TMEM154: variants seen among roughly 807,000 people sequenced by gnomAD.
The protein encoded by TMEM154 is transmembrane protein 154.
Under a neutral mutation model 24.5 loss-of-function variants are expected in TMEM154, and 27 were observed. The observed-to-expected ratio is 1.10, with a 90% confidence interval of 0.81 to 1.52. The LOEUF (loss-of-function observed/expected upper bound fraction) is 1.52. Among genes scored for constraint, TMEM154 ranks in the 40% most tolerant of loss-of-function variants. TMEM154 has a pLI of 0.00. For missense variants in TMEM154, 228 were observed against 213.4 expected, an observed-to-expected ratio of 1.07 and a Z score of -0.43; for synonymous variants, 67 against 76.8, an observed-to-expected ratio of 0.87 and a Z score of 0.67.
At chr4:152,634,268 C>T (rs949651880) in intron 6 of TMEM154, among the ~76,000 whole-genome samples, 13 of 152,110 alleles carry the variant, frequency 8.5e-5, no homozygotes, top group Non-Finnish European at 7.4e-5. Context: ...CATCTTTGTT[C>T]TCCTGACCAG....
chr4:152,640,856 T>C lies in TMEM154; in HGVS notation c.536+72A>G, dbSNP rs141290548. 2,737 of 1,338,320 alleles carry C rather than the reference T, an allele frequency of 2.0e-3. 5 individuals carry two copies. Among genetic ancestry groups the C allele is most frequent in the Non-Finnish European group, 2.4e-3 (2,250 of 947,780 alleles). The allele number at this position is 1,338,320 out of a possible 1,614,324, so 82.9% of individuals were successfully genotyped here. A position where few individuals can be genotyped will look rare whatever the true frequency, so the allele number is the denominator to read the frequency against. ...AGGCACGGAGGAGGTAAGCAAAAAGTGTTCCACCCTGGTTCCCAATCCCCC... is the reference window on the plus strand; with the variant it reads ...AGGCACGGAGGAGGTAAGCAAAAAGCGTTCCACCCTGGTTCCCAATCCCCC... On this transcript the variant is annotated intron_variant, in intron 6 of 6. Coordinates refer to ENST00000304385, the MANE Select transcript of TMEM154 (RefSeq NM_152680.3).
chr4:152,665,670 C>A (rs557515489), intron 1 of TMEM154, among the ~76,000 whole-genome samples: 4 of 152,038 alleles, frequency 2.6e-5, no homozygotes, highest in Admixed American at 2.0e-4. Context: ...TTTAAGACAG[C>A]GGTCCTCAAA....
At chr4:152,656,317 C>G (rs910796522) in intron 1 of TMEM154, among the ~76,000 whole-genome samples, 3 of 152,120 alleles carry the variant, frequency 2.0e-5, no homozygotes, top group African/African-American at 7.2e-5. Flanking sequence ...ACACTAACAC[C>G]AGTGCCAGTG....
At chr4:152,652,638 C>G in intron 2 of TMEM154, 29 bp downstream of exon 2, 1 of 1,613,416 alleles carries the variant, frequency 6.2e-7, no homozygotes, top group Non-Finnish European at 8.5e-7. Context: ...AAGCAATTTT[C>G]TGGAAATGGA....
At chr4:152,632,043 G>A (rs983817135) in intron 6 of TMEM154, among the ~76,000 whole-genome samples, 3 of 151,830 alleles carry the variant, frequency 2.0e-5, no homozygotes, top group South Asian at 2.1e-4. Context: ...TCCTGACCTC[G>A]TGATCCGCCC....
chr4:152,633,869 A>G (rs983796773), intron 6 of TMEM154, among the ~76,000 whole-genome samples: 9 of 151,970 alleles, frequency 5.9e-5, no homozygotes, highest in African/African-American at 1.9e-4. Context: ...AGCTATTAAA[A>G]GTAATGGCAA....
chr4:152,631,180 C>T (rs901291229), intron 6 of TMEM154, among the ~76,000 whole-genome samples: 8 of 152,124 alleles, frequency 5.3e-5, no homozygotes, highest in African/African-American at 9.7e-5. Context: ...TCCCCCTTTC[C>T]TAGAAATTTT....
Position 152,628,291 on chromosome 4 carries a change from G to A in TMEM154, c.*255C>T, listed in dbSNP as rs548232341. On this transcript the variant is annotated 3_prime_UTR_variant, in exon 7 of 7. Transcript: ENST00000304385. ...TTGATCAGAAGTGAGCACATCACCC[G>A]CCTCCTTCTCCACCCTCAGAGGCAG... is the stretch of plus-strand genomic sequence containing the variant. 2.7e-5 allele frequency: 16 copies of A among 601,396 alleles called. No individual in the cohort carries two copies. Among genetic ancestry groups the A allele is most frequent in the African/African-American group, 1.7e-4 (9 of 52,782 alleles). The allele number at this position is 601,396 out of a possible 1,614,324, so 37.3% of individuals were successfully genotyped here. A position where few individuals can be genotyped will look rare whatever the true frequency, so the allele number is the denominator to read the frequency against.
rs1022859472 is a variant in TMEM154, at chr4:152,624,895, C to A, written c.*3651G>T. ...ATTAAATGGAAACCCCAGAATTCAT[C>A]CTGAATGTCTCTGAATGTGAAAAGT... is the stretch of plus-strand genomic sequence containing the variant. On this transcript the variant is annotated 3_prime_UTR_variant, in exon 7 of 7. Coordinates refer to ENST00000304385, the MANE Select transcript of TMEM154 (RefSeq NM_152680.3). The A allele has an allele frequency of 1.3e-5, 2 of 152,198 alleles. No homozygotes were observed. Among genetic ancestry groups the A allele is most frequent in the Admixed American group, 1.3e-4 (2 of 15,280 alleles). 9.4% of individuals were successfully genotyped at this position (152,198 alleles called of 1,614,324 possible). A position where few individuals can be genotyped will look rare whatever the true frequency, so the allele number is the denominator to read the frequency against.
rs1751809525 is a variant in TMEM154 at position 152,619,255 on chromosome 4, T to C, written c.*9291A>G. ...AGTTCTACCACCTACTACAGACTAC[T>C]GGACCAGGGGTCTATGTCCAAGCCA... is the stretch of plus-strand genomic sequence containing the variant. On this transcript the variant is annotated 3_prime_UTR_variant, in exon 7 of 7. Coordinates refer to ENST00000304385, the MANE Select transcript of TMEM154 (RefSeq NM_152680.3). The C allele has an allele frequency of 6.6e-6, 1 of 152,236 alleles. No homozygotes were observed. The highest frequency in any genetic ancestry group is 1.5e-5 in the Non-Finnish European group (1 of 68,050). The allele number at this position is 152,236 out of a possible 1,614,324, so 9.4% of individuals were successfully genotyped here.
chr4:152,671,210 T>C (rs1471003990), intron 1 of TMEM154, among the ~76,000 whole-genome samples: 3 of 151,850 alleles, frequency 2.0e-5, no homozygotes, highest in Non-Finnish European at 1.5e-5. Flanking sequence ...GGCTGTATTA[T>C]AGGGCTCACG....
chr4:152,632,513 T>C (rs1306662822), intron 6 of TMEM154, among the ~76,000 whole-genome samples: 2 of 152,242 alleles, frequency 1.3e-5, no homozygotes, highest in Non-Finnish European at 2.9e-5. Flanking sequence ...GAAATGTGCA[T>C]AGGGATTTTT....
chr4:152,652,728 G>A lies in TMEM154; in HGVS notation c.264C>T (p.Val88=). 1 of 1,613,868 alleles carries A rather than the reference G, an allele frequency of 6.2e-7. No individual in the cohort carries two copies. The highest frequency in any genetic ancestry group is 8.5e-7 in the Non-Finnish European group (1 of 1,179,902). Residue 88 remains valine (V), a synonymous_variant, in exon 2 of 7, where the codon GTC becomes GTT. Coordinates refer to ENST00000304385, the MANE Select transcript of TMEM154 (RefSeq NM_152680.3). Reference sequence around the variant, plus strand: ...GGAATACCACGGATAAAAGTAAGAGGACCAATAAAATCAATGGGATTAACA... The same window carrying A: ...GGAATACCACGGATAAAAGTAAGAGAACCAATAAAATCAATGGGATTAACA... ...LMVLIPLILL[V]LLLLSVVFLA...
chr4:152,631,239 C>T (rs994977415), intron 6 of TMEM154, among the ~76,000 whole-genome samples: 1 of 152,088 alleles, frequency 6.6e-6, no homozygotes, highest in Non-Finnish European at 1.5e-5. Flanking sequence ...TATCCTTTTC[C>T]CCACATCCTC....
At chr4:152,666,907 G>A (rs1728732599) in intron 1 of TMEM154, 1 of 152,302 alleles carries the variant, frequency 6.6e-6, no homozygotes, top group Admixed American at 6.5e-5. Context: ...TATAGATGGT[G>A]GTGATGGGAC....
rs1336313367 is a variant in TMEM154 at position 152,634,833 on chromosome 4, T to TA, written c.536+6094dup. 2.6e-5 allele frequency among the ~76,000 whole-genome samples: 4 copies of TA among 152,246 alleles called. No individual in the cohort carries two copies. In the East Asian group the frequency reaches 7.7e-4, roughly 29 times the overall value. ...GATCCCTGACTTACAGTGGTTAACT[T>TA]ACAATTTTTTTGACTTTACAATGGA... On this transcript the variant is annotated intron_variant, in intron 6 of 6. Transcript: ENST00000304385.
chr4:152,666,127 C>T (rs1465761742), intron 1 of TMEM154, among the ~76,000 whole-genome samples: 1 of 151,922 alleles, frequency 6.6e-6, no homozygotes, highest in Non-Finnish European at 1.5e-5. Flanking sequence ...TGTGCTGATG[C>T]TGCTGGTCTG....
chr4:152,629,900 G>A (rs1752001689), intron 6 of TMEM154, among the ~76,000 whole-genome samples: 1 of 152,148 alleles, frequency 6.6e-6, no homozygotes, highest in South Asian at 2.1e-4. Flanking sequence ...ATTGTGTATA[G>A]GTTTGTGTGT....
chr4:152,646,705 T>C (rs1728247416), intron 3 of TMEM154: 3 of 445,052 alleles, frequency 6.7e-6, no homozygotes, highest in Admixed American at 4.0e-5. Flanking sequence ...CCACTTAGCC[T>C]GACAGTACTC....
Sources: gnomAD v4.1 joint callset for allele counts (sites outside exome capture counted in the v4.1 genomes callset) on GRCh38, gnomAD v4.1.1 for gene constraint, MANE v1.5 for transcripts, NCBI Gene and HGNC (gene_info 2026-07-23, HGNC 2026-07-21) for gene names.